Variants in EFCAB11 observed in about 807,000 individuals in gnomAD.
EFCAB11 encodes EF-hand calcium binding domain 11.
A neutral mutation model predicts 23.0 loss-of-function variants in EFCAB11; 14 were observed. The ratio of observed to expected loss-of-function variants is 0.61; its 90% CI spans 0.40 to 0.95. EFCAB11 has a LOEUF of 0.95. EFCAB11 is among the 40% of genes least tolerant of loss of function. The pLI is 0.00. For missense variants in EFCAB11, 198 were observed against 195.8 expected (o/e 1.01, Z -0.07); for synonymous variants, 65 against 66.6 (o/e 0.98, Z 0.11).
At chr14:89,941,942 G>A (rs939240449) in intron 3 of EFCAB11, among the ~76,000 whole-genome samples, 9 of 152,090 alleles carry the variant, frequency 5.9e-5, no homozygotes, top group Non-Finnish European at 1.3e-4. Flanking sequence ...ATCCCTGTCA[G>A]GGCAGGGGCC....
chr14:89,844,308 G>C (rs1477855416), intron 5 of EFCAB11, among the ~76,000 whole-genome samples: 1 of 152,184 alleles, frequency 6.6e-6, no homozygotes, highest in Non-Finnish European at 1.5e-5. Flanking sequence ...GTTTTAAACT[G>C]TGAGGACAAG....
At chr14:89,861,403 A>G (rs1566787648) in intron 5 of EFCAB11, among the ~76,000 whole-genome samples, 1 of 152,174 alleles carries the variant, frequency 6.6e-6, no homozygotes. Context: ...TTTACCCTAG[A>G]AACAAGACCT....
At chr14:89,932,288 A>G (rs1474480050) in intron 4 of EFCAB11, among the ~76,000 whole-genome samples, 1 of 152,208 alleles carries the variant, frequency 6.6e-6, no homozygotes, top group African/African-American at 2.4e-5. Context: ...TCCCCATGAC[A>G]ATCAAGGTAC....
chr14:89,893,758 A>ACATCTG (rs1253838351), intron 5 of EFCAB11, among the ~76,000 whole-genome samples: 1 of 149,428 alleles, frequency 6.7e-6, no homozygotes, highest in Non-Finnish European at 1.5e-5. Context: ...CCCCTAATAA[A>ACATCTG]CATCTGCACA....
At chr14:89,806,282 T>A (rs1885964750) in intron 5 of EFCAB11, among the ~76,000 whole-genome samples, 1 of 152,202 alleles carries the variant, frequency 6.6e-6, no homozygotes, top group Non-Finnish European at 1.5e-5. Flanking sequence ...ATAATTTCAG[T>A]ATGTCATTTC....
At chr14:89,892,932 C>G (rs1461679387) in intron 5 of EFCAB11, among the ~76,000 whole-genome samples, 1 of 151,982 alleles carries the variant, frequency 6.6e-6, no homozygotes, top group Non-Finnish European at 1.5e-5. Context: ...AAAAGAAAGG[C>G]CTGAGAGCCC....
chr14:89,840,522 C>G (rs969152810), intron 5 of EFCAB11, among the ~76,000 whole-genome samples: 1 of 152,086 alleles, frequency 6.6e-6, no homozygotes, highest in African/African-American at 2.4e-5. Flanking sequence ...GAACAAATAT[C>G]AAAATAAGCA....
At chr14:89,854,532 T>C (rs932582271) in intron 5 of EFCAB11, among the ~76,000 whole-genome samples, 1 of 152,170 alleles carries the variant, frequency 6.6e-6, no homozygotes, top group Non-Finnish European at 1.5e-5. Context: ...CTGGACATCA[T>C]CAGATACATG....
intron 5 of EFCAB11, among the ~76,000 whole-genome samples, chr14:89,910,970 C>T (rs8009231): frequency 0.32 from 48,036 of 152,018 alleles, 11,605 homozygotes; most frequent in African/African-American, 0.67. Flanking sequence ...AAGTACAAAC[C>T]ATAAAGTCTA....
At chr14:89,923,809 C>T in intron 5 of EFCAB11, 1 of 985,280 alleles carries the variant, frequency 1.0e-6, no homozygotes, top group Non-Finnish European at 1.2e-6. Context: ...AGAGATGGAC[C>T]AGGAAAATGA....
At chr14:89,937,782 A>G (rs756187697) in intron 3 of EFCAB11, among the ~76,000 whole-genome samples, 3 of 152,146 alleles carry the variant, frequency 2.0e-5, no homozygotes, top group Non-Finnish European at 4.4e-5. Context: ...CCTCGGCCTC[A>G]TAAAGTACTG....
chr14:89,886,628 G>A (rs1888793925), intron 5 of EFCAB11, among the ~76,000 whole-genome samples: 1 of 151,094 alleles, frequency 6.6e-6, no homozygotes, highest in Non-Finnish European at 1.5e-5. Context: ...AAACACTGAG[G>A]CAAATATGAC....
intron 5 of EFCAB11, among the ~76,000 whole-genome samples, chr14:89,805,016 T>C (rs1246652097): frequency 6.6e-6 from 1 of 152,194 alleles, no homozygotes; most frequent in African/African-American, 2.4e-5. Context: ...GGTATAGTTA[T>C]CATCTGACCA....
rs1885553061 is a variant in EFCAB11, at chr14:89,795,656, ACT to A, written c.*1585_*1586del. 2 of 151,840 alleles carry A rather than the reference ACT, an allele frequency of 1.3e-5. No individual in the cohort carries two copies. Among genetic ancestry groups the A allele is most frequent in the Admixed American group, 6.6e-5 (1 of 15,238 alleles). 9.4% of individuals were successfully genotyped at this position (151,840 alleles called of 1,614,324 possible). On this transcript the variant is annotated 3_prime_UTR_variant, in exon 6 of 6. Transcript: ENST00000316738. ...ACTCCAGCTTAGGTGACAAAGTGAG[ACT>A]CTGTCTCAAAAAAAACCCGCAAACG...
At chr14:89,821,660 C>T (rs1347207643) in intron 5 of EFCAB11, among the ~76,000 whole-genome samples, 4 of 152,102 alleles carry the variant, frequency 2.6e-5, no homozygotes, top group Non-Finnish European at 4.4e-5. Flanking sequence ...ATGAAGTGAG[C>T]CCTGGGATGG....
intron 5 of EFCAB11, among the ~76,000 whole-genome samples, chr14:89,888,868 A>C (rs995702065): frequency 1.3e-5 from 2 of 152,218 alleles, no homozygotes; most frequent in African/African-American, 4.8e-5. Flanking sequence ...CAAATGGACT[A>C]AGACAGCTGT....
At position 89,864,183 on chromosome 14, in the gene EFCAB11, C is replaced by T. The variant is rs571338375; in HGVS notation, c.411-66859G>A. Among the ~76,000 whole-genome samples the T allele has an allele frequency of 2.0e-5, 3 of 152,306 alleles. No homozygotes were observed. In the East Asian group the frequency reaches 5.8e-4, roughly 29 times the overall value. ...CAATTTTAAATGTCCTGGATCCAAG[C>T]TCAAATGCACTCCCTTTAACACAGG... On this transcript the variant is annotated intron_variant, in intron 5 of 5. Transcript: ENST00000316738.
intron 3 of EFCAB11, among the ~76,000 whole-genome samples, chr14:89,936,528 C>G (rs988238898): frequency 1.3e-5 from 2 of 152,216 alleles, no homozygotes; most frequent in African/African-American, 4.8e-5. Flanking sequence ...TATTTTCCCA[C>G]ACAATCATAT....
chr14:89,910,373 G>A (rs868406753), intron 5 of EFCAB11, among the ~76,000 whole-genome samples: 14 of 152,106 alleles, frequency 9.2e-5, no homozygotes, highest in African/African-American at 1.4e-4. Flanking sequence ...TGAGGCAGGC[G>A]GATCACTTAA....
Sources: allele counts gnomAD v4.1 joint callset (sites outside exome capture counted in the v4.1 genomes callset), GRCh38; gene constraint gnomAD v4.1.1; transcripts MANE v1.5; gene names NCBI Gene and HGNC (gene_info 2026-07-23, HGNC 2026-07-21).